MAGI2: variants seen among roughly 807,000 people sequenced by gnomAD.
The protein encoded by MAGI2 is membrane associated guanylate kinase, WW and PDZ domain containing 2, also known as membrane-associated guanylate kinase, WW and PDZ domain-containing protein 2.
Under a neutral mutation model 133.3 loss-of-function variants are expected in MAGI2, and 35 were observed. The observed-to-expected ratio is 0.26, with a 90% CI of 0.20 to 0.35. The LOEUF is 0.35. Ranked by LOEUF, MAGI2 falls within the 10% of genes least tolerant of loss-of-function variation. MAGI2 has a pLI of 1.00. For missense variants in MAGI2, 1,636 were observed against 1,863.4 expected, an observed-to-expected ratio of 0.88 and a Z score of 2.25; for synonymous variants, 729 against 710.6, an observed-to-expected ratio of 1.03 and a Z score of -0.41.
intron 21 of MAGI2, among the ~76,000 whole-genome samples, chr7:78,021,141 A>G (rs1808358844): frequency 6.6e-6 from 1 of 152,222 alleles, no homozygotes; most frequent in Admixed American, 6.5e-5. Context: ...GTGAGCAACA[A>G]CAGTTCCCTG....
chr7:78,344,019 C>T, intron 8 of MAGI2, 59 bp from the exon 9 acceptor site: 1 of 1,507,854 alleles, frequency 6.6e-7, no homozygotes, highest in African/African-American at 1.4e-5. Context: ...AGTTCTCAGA[C>T]AAGAGAAAGC....
At chr7:79,312,897 C>A (rs191376005) in intron 1 of MAGI2, among the ~76,000 whole-genome samples, 1 of 152,148 alleles carries the variant, frequency 6.6e-6, no homozygotes, top group Non-Finnish European at 1.5e-5. Flanking sequence ...CCCTCCTCCC[C>A]CTCCACCCAC....
At chr7:78,528,088 C>T (rs1248379707) in intron 3 of MAGI2, among the ~76,000 whole-genome samples, 2 of 152,142 alleles carry the variant, frequency 1.3e-5, no homozygotes, top group South Asian at 2.1e-4. Flanking sequence ...ATGCAAACAG[C>T]GCAGCTCATC....
chr7:79,289,912 C>A (rs1358148563), intron 1 of MAGI2, among the ~76,000 whole-genome samples: 3 of 151,694 alleles, frequency 2.0e-5, no homozygotes, highest in African/African-American at 7.3e-5. Flanking sequence ...TTTTGAAAAC[C>A]AAATTTGGGT....
At chr7:79,099,909 A>G (rs907078686) in intron 1 of MAGI2, among the ~76,000 whole-genome samples, 4 of 152,190 alleles carry the variant, frequency 2.6e-5, no homozygotes, top group African/African-American at 9.7e-5. Context: ...ACTATTGTTT[A>G]GCCAAACAAA....
intron 14 of MAGI2, among the ~76,000 whole-genome samples, chr7:78,175,185 A>G (rs1055612652): frequency 6.6e-6 from 1 of 152,092 alleles, no homozygotes; most frequent in Non-Finnish European, 1.5e-5. Context: ...GACTCACCCA[A>G]TTTTTTCCCC....
Position 78,357,530 on chromosome 7 carries a change from A to G in MAGI2, c.1104-11487T>C, listed in dbSNP as rs192577979. Among the ~76,000 whole-genome samples the G allele has an allele frequency of 2.2e-3, 342 of 152,326 alleles. 3 individuals are homozygous for G. Among genetic ancestry groups the G allele is most frequent in the South Asian group, 0.013 (61 of 4,818 alleles). The stretch of plus-strand genomic sequence containing the variant: ...ATTATTCACATTATTTTGATGCCCA[A>G]TTAAAACTGGAGAAAGTGAAGTAAG... On this transcript the variant is annotated intron_variant, in intron 7 of 21. Transcript: ENST00000354212.
At chr7:78,738,679 G>A (rs554617535) in intron 2 of MAGI2, among the ~76,000 whole-genome samples, 46 of 152,206 alleles carry the variant, frequency 3.0e-4, no homozygotes, top group Admixed American at 1.2e-3. Context: ...GGATGTTCAT[G>A]ATGAAAAAAG....
chr7:78,405,360 T>C (rs75304819), intron 6 of MAGI2, among the ~76,000 whole-genome samples: 1 of 152,112 alleles, frequency 6.6e-6, no homozygotes, highest in Non-Finnish European at 1.5e-5. Context: ...AAAATAGTTA[T>C]AAGCCAGATT....
chr7:78,509,015 TATA>T (rs1446965607), intron 4 of MAGI2, among the ~76,000 whole-genome samples: 1 of 151,772 alleles, frequency 6.6e-6, no homozygotes, highest in African/African-American at 2.4e-5. Flanking sequence ...ATATGTAAAA[TATA>T]ATGTTTTCCT....
chr7:78,374,337 C>T (rs2079856), intron 6 of MAGI2, among the ~76,000 whole-genome samples: 124,313 of 152,108 alleles, frequency 0.82, 50,913 homozygotes, highest in Admixed American at 0.85. Flanking sequence ...TCTTTATATG[C>T]TTGTTGGCCA....
At chr7:78,518,447 G>A (rs1034251082) in intron 4 of MAGI2, 1 of 152,136 alleles carries the variant, frequency 6.6e-6, no homozygotes, top group African/African-American at 2.4e-5. Context: ...GTACCTAGTT[G>A]ATGGGACAGT....
rs549333638 is a variant in MAGI2, at chr7:78,627,351, A to C, written c.419-112T>G. 120 of 1,018,538 alleles carry C rather than the reference A, an allele frequency of 1.2e-4. 1 individual carries two copies. Among genetic ancestry groups the C allele is most frequent in the Non-Finnish European group, 1.1e-4 (82 of 767,162 alleles). 63.1% of individuals were successfully genotyped at this position (1,018,538 alleles called of 1,614,324 possible). A position where few individuals can be genotyped will look rare whatever the true frequency, so the allele number is the denominator to read the frequency against. ...AGTGCCACTTGTTTGTACATCCTGCAAGTTGGCAGTTTGCATTTGTCCTTC... is the reference window on the plus strand; with the variant it reads ...AGTGCCACTTGTTTGTACATCCTGCCAGTTGGCAGTTTGCATTTGTCCTTC... On this transcript the variant is annotated intron_variant, in intron 2 of 21. Transcript: ENST00000354212.
chr7:78,685,271 T>A (rs953038356), intron 2 of MAGI2, among the ~76,000 whole-genome samples: 4 of 152,226 alleles, frequency 2.6e-5, no homozygotes, highest in Admixed American at 2.0e-4. Context: ...TCCTTTTTGT[T>A]AATGAGAATA....
chr7:79,168,055 C>T (rs543828553), intron 1 of MAGI2, among the ~76,000 whole-genome samples: 1 of 152,236 alleles, frequency 6.6e-6, no homozygotes, highest in South Asian at 2.1e-4. Flanking sequence ...CCCATCCCTT[C>T]GTTTCCCATA....
At chr7:79,019,874 G>A (rs565900085) in intron 1 of MAGI2, among the ~76,000 whole-genome samples, 3 of 152,146 alleles carry the variant, frequency 2.0e-5, no homozygotes, top group Admixed American at 1.3e-4. Context: ...ATAGCAGCAT[G>A]AGAAGAGACT....
chr7:79,025,158 G>T (rs1462957364), intron 1 of MAGI2, among the ~76,000 whole-genome samples: 3 of 128,748 alleles, frequency 2.3e-5, no homozygotes, highest in African/African-American at 8.3e-5. Context: ...ATATACCATG[G>T]AATACCATGC....
chr7:78,713,794 A>G (rs1819439668), intron 2 of MAGI2, among the ~76,000 whole-genome samples: 1 of 152,164 alleles, frequency 6.6e-6, no homozygotes, highest in Middle Eastern at 3.2e-3. Context: ...GGAAAAATGC[A>G]TGGAGAACCA....
At chr7:79,116,588 C>T (rs1196953461) in intron 1 of MAGI2, among the ~76,000 whole-genome samples, 8 of 152,114 alleles carry the variant, frequency 5.3e-5, no homozygotes, top group Admixed American at 5.2e-4. Context: ...CCTTGGTATT[C>T]CAGGGATGTG....
Sources: gnomAD v4.1 joint callset for allele counts (sites outside exome capture counted in the v4.1 genomes callset) on GRCh38, gnomAD v4.1.1 for gene constraint, MANE v1.5 for transcripts, NCBI Gene and HGNC (gene_info 2026-07-23, HGNC 2026-07-21) for gene names.